Variants in MBD5 observed in about 807,000 individuals in gnomAD.
MBD5 encodes methyl-CpG binding domain protein 5.
MBD5 carries 13 observed loss-of-function variants against 117.3 expected under a neutral mutation model. The ratio of observed to expected loss-of-function variants is 0.11; its 90% CI spans 0.07 to 0.18. The LOEUF is 0.18. Among genes scored for constraint, MBD5 ranks in the 10% least tolerant of loss-of-function variants. The pLI is 1.00. For synonymous variants in MBD5, 727 were observed against 766.4 expected, an observed-to-expected ratio of 0.95 and a Z score of 0.85; for missense variants, 1,879 against 2,093.8, an observed-to-expected ratio of 0.90 and a Z score of 2.00.
chr2:148,072,833 G>T (rs894070446), intron 1 of MBD5, among the ~76,000 whole-genome samples: 2 of 152,158 alleles, frequency 1.3e-5, no homozygotes, highest in Admixed American at 1.3e-4. Flanking sequence ...TTCAACAGTG[G>T]TAAATGTTTA....
intron 3 of MBD5, among the ~76,000 whole-genome samples, chr2:148,239,944 C>T (rs1293491677): frequency 1.3e-5 from 2 of 152,272 alleles, no homozygotes; most frequent in East Asian, 3.9e-4. Flanking sequence ...ATAAATCATG[C>T]TGCTATAAAG....
chr2:148,480,008 T>C (rs1409807923), intron 8 of MBD5, among the ~76,000 whole-genome samples: 2 of 152,090 alleles, frequency 1.3e-5, no homozygotes, highest in East Asian at 3.8e-4. Context: ...TTTCTTTCTT[T>C]ACCTAAACTC....
chr2:148,173,414 C>T (rs571932076), intron 1 of MBD5, among the ~76,000 whole-genome samples: 3 of 152,326 alleles, frequency 2.0e-5, no homozygotes, highest in South Asian at 4.1e-4. Context: ...GCGCAGTGGT[C>T]GGACCCCACG....
At chr2:148,220,650 C>T (rs765280554) in intron 2 of MBD5, among the ~76,000 whole-genome samples, 7 of 151,672 alleles carry the variant, frequency 4.6e-5, no homozygotes, top group African/African-American at 7.3e-5. Context: ...TATATTTGTA[C>T]GATATATGAA....
intron 3 of MBD5, among the ~76,000 whole-genome samples, chr2:148,308,642 G>A (rs1159358689): frequency 6.6e-6 from 1 of 151,778 alleles, no homozygotes; most frequent in Non-Finnish European, 1.5e-5. Context: ...TTGCTGTGCA[G>A]AAACTCTTTA....
intron 4 of MBD5, among the ~76,000 whole-genome samples, chr2:148,344,883 G>T (rs1310370126): frequency 6.6e-6 from 1 of 151,752 alleles, no homozygotes; most frequent in African/African-American, 2.4e-5. Flanking sequence ...CATATCTGAT[G>T]ATTTTTTAAG....
At chr2:148,478,917 T>G (rs1681056019) in intron 8 of MBD5, among the ~76,000 whole-genome samples, 1 of 152,174 alleles carries the variant, frequency 6.6e-6, no homozygotes, top group Non-Finnish European at 1.5e-5. Flanking sequence ...TTTATTCAAT[T>G]AAGCACAAAA....
chr2:148,057,246 T>G (rs1465064493), intron 1 of MBD5, among the ~76,000 whole-genome samples: 1 of 151,840 alleles, frequency 6.6e-6, no homozygotes, highest in Non-Finnish European at 1.5e-5. Flanking sequence ...TACATTTTAA[T>G]TTTGCTTTAT....
chr2:148,159,895 A>T (rs1697965154), intron 1 of MBD5, among the ~76,000 whole-genome samples: 1 of 152,210 alleles, frequency 6.6e-6, no homozygotes, highest in Non-Finnish European at 1.5e-5. Context: ...GGATCCAGGC[A>T]GTCTGAACTT....
intron 1 of MBD5, chr2:148,027,449 T>G (rs1387252638): frequency 6.6e-6 from 1 of 152,116 alleles, no homozygotes; most frequent in Non-Finnish European, 1.5e-5. Flanking sequence ...CTTAAGTAAC[T>G]TTTGTGTCTC....
chr2:148,380,349 T>C (rs1704101412), intron 4 of MBD5, among the ~76,000 whole-genome samples: 3 of 152,178 alleles, frequency 2.0e-5, no homozygotes, highest in Admixed American at 1.3e-4. Context: ...TTCAACTGAT[T>C]AATCATTTAC....
intron 4 of MBD5, among the ~76,000 whole-genome samples, chr2:148,426,593 A>G (rs924790472): frequency 1.3e-5 from 2 of 152,182 alleles, no homozygotes; most frequent in Non-Finnish European, 2.9e-5. Flanking sequence ...AAAACTGGCT[A>G]GCCATATGTA....
intron 4 of MBD5, among the ~76,000 whole-genome samples, chr2:148,434,209 G>A (rs1312804013): frequency 6.6e-6 from 1 of 151,910 alleles, no homozygotes; most frequent in East Asian, 1.9e-4. Context: ...TATTTCTGTG[G>A]TGTCGGTAGT....
intron 2 of MBD5, among the ~76,000 whole-genome samples, chr2:148,225,432 T>C (rs1242197245): frequency 1.3e-5 from 2 of 151,948 alleles, no homozygotes; most frequent in Non-Finnish European, 1.5e-5. Flanking sequence ...TTATGGTTAT[T>C]TTTTATTTAT....
intron 6 of MBD5, among the ~76,000 whole-genome samples, chr2:148,463,473 G>A (rs563852074): frequency 6.6e-6 from 1 of 152,190 alleles, no homozygotes; most frequent in East Asian, 1.9e-4. Context: ...CTAAAATTGA[G>A]AACATTATCA....
At chr2:148,406,826 G>C (rs146589989) in intron 4 of MBD5, among the ~76,000 whole-genome samples, 3 of 152,060 alleles carry the variant, frequency 2.0e-5, no homozygotes, top group Non-Finnish European at 4.4e-5. Flanking sequence ...CTCTTCCTAC[G>C]GTCAGCTTCT....
At chr2:148,098,227 A>G (rs1696116948) in intron 1 of MBD5, among the ~76,000 whole-genome samples, 1 of 152,188 alleles carries the variant, frequency 6.6e-6, no homozygotes, top group Admixed American at 6.5e-5. Flanking sequence ...TGGCCTGTAT[A>G]AGGAATGGGA....
rs565945532 is a variant in MBD5 at position 148,426,431 on chromosome 2, ATGGTAC to A, written c.-556-31765_-556-31760del. Among the ~76,000 whole-genome samples, 619 of 152,174 alleles carry A rather than the reference ATGGTAC, an allele frequency of 4.1e-3. 4 individuals carry two copies. Among genetic ancestry groups the A allele is most frequent in the African/African-American group, 0.014 (579 of 41,478 alleles). On this transcript the variant is annotated intron_variant, in intron 4 of 13. Transcript: ENST00000642680. ...ACAAGGCTACAGTAACCAAAACAGC[ATGGTAC>A]TGGTACCAAAACAGAGATATAGACC...
chr2:148,040,652 A>G (rs1694330609), intron 1 of MBD5, among the ~76,000 whole-genome samples: 4 of 152,228 alleles, frequency 2.6e-5, no homozygotes, highest in Admixed American at 2.6e-4. Flanking sequence ...TTTTGATAAC[A>G]AACACAATTT....
Sources: allele counts gnomAD v4.1 joint callset (sites outside exome capture counted in the v4.1 genomes callset), GRCh38; gene constraint gnomAD v4.1.1; transcripts MANE v1.5; gene names NCBI Gene and HGNC (gene_info 2026-07-23, HGNC 2026-07-21).